Variants in CD55 observed in about 807,000 individuals in gnomAD.
CD55 encodes CD55 molecule (Cromer blood group), also known as complement decay-accelerating factor.
A neutral mutation model predicts 45.8 loss-of-function variants in CD55; 41 were observed. That is an observed-to-expected ratio of 0.90 (90% CI 0.70 to 1.16). CD55 has a LOEUF of 1.16. CD55 is among the 50% of genes most tolerant of loss of function. The pLI is 0.00. For missense variants in CD55, 416 were observed against 469.8 expected, an observed-to-expected ratio of 0.89 and a Z score of 1.06; for synonymous variants, 181 against 181.1, an observed-to-expected ratio of 1.00 and a Z score of 0.01.
At chr1:207,341,250 T>A (rs1254296399) in intron 9 of CD55, among the ~76,000 whole-genome samples, 1 of 152,230 alleles carries the variant, frequency 6.6e-6, no homozygotes, top group Non-Finnish European at 1.5e-5. Context: ...TCCTTTGCTG[T>A]ACACAAGCTT....
chr1:207,322,003 C>CT, intron 1 of CD55, 138 bp downstream of exon 1: 4 of 634,988 alleles, frequency 6.3e-6, no homozygotes, highest in Non-Finnish European at 1.1e-5. Flanking sequence ...CGTCCTGTGC[C>CT]TTTAAGGCTC....
At chr1:207,349,098 G>A (rs2102432244) in intron 9 of CD55, among the ~76,000 whole-genome samples, 1 of 152,096 alleles carries the variant, frequency 6.6e-6, no homozygotes, top group Middle Eastern at 3.4e-3. Context: ...TTAATTCTCT[G>A]AAAGATATCA....
At position 207,325,656 on chromosome 1, in the gene CD55, T is replaced by C. The variant is rs151294032; in HGVS notation, c.513T>C (p.Asn171=). 4.3e-6 allele frequency: 7 copies of C among 1,610,302 alleles called. No homozygotes were observed. Among genetic ancestry groups the C allele is most frequent in the Non-Finnish European group, 5.9e-6 (7 of 1,177,620 alleles). ...KSCPNPGEIR[N]GQIDVPGGIL... ...GCCCTAATCCGGGAGAAATACGAAATGGTCAGATTGATGTACCAGGTGGCA... is the reference window on the plus strand; with the variant it reads ...GCCCTAATCCGGGAGAAATACGAAACGGTCAGATTGATGTACCAGGTGGCA... The change falls in exon 4 of 10, where the codon AAT becomes AAC. Residue 171 remains asparagine (N), a synonymous_variant. Transcript: ENST00000367064.
At chr1:207,350,119 G>T in intron 9 of CD55, 1 of 454,940 alleles carries the variant, frequency 2.2e-6, no homozygotes, top group Non-Finnish European at 4.4e-6. Context: ...AGATGATCAT[G>T]TGGTTTTTTT....
chr1:207,338,982 T>C (rs1338866486), intron 8 of CD55, among the ~76,000 whole-genome samples: 1 of 152,196 alleles, frequency 6.6e-6, no homozygotes, highest in Non-Finnish European at 1.5e-5. Flanking sequence ...TAAGGTGATA[T>C]GGCATTTTTG....
At chr1:207,353,946 A>G in intron 9 of CD55, 1 of 1,498,062 alleles carries the variant, frequency 6.7e-7, no homozygotes, top group South Asian at 1.2e-5. Context: ...ATAAGCAAGA[A>G]CAAAACCTTT....
At chr1:207,325,477 A>C (rs1654637803) in intron 3 of CD55, 145 bp from the exon 4 acceptor site, 1 of 490,402 alleles carries the variant, frequency 2.0e-6, no homozygotes, top group Non-Finnish European at 3.6e-6. Flanking sequence ...TTAGGTGTAC[A>C]ACATGATGTT....
Position 207,321,745 on chromosome 1 carries a change from C to G in CD55, c.-21C>G. On this transcript the variant is annotated 5_prime_UTR_variant, in exon 1 of 10. Transcript: ENST00000367064. ...CTCGGCGGAGTCCCGGCGGCGCGTC[C>G]TTGTTCTAACCCGGCGCGCCATGAC... 3 of 1,496,938 alleles carry G rather than the reference C, an allele frequency of 2.0e-6. No homozygotes were observed. Among genetic ancestry groups the G allele is most frequent in the Non-Finnish European group, 2.7e-6 (3 of 1,129,166 alleles). The allele number at this position is 1,496,938 out of a possible 1,614,324, so 92.7% of individuals were successfully genotyped here. A position where few individuals can be genotyped will look rare whatever the true frequency, so the allele number is the denominator to read the frequency against.
In CD55 at chr1:207,324,644, T is replaced by A; in HGVS notation, c.372T>A (p.Val124=). 1 of 1,612,984 alleles carries A rather than the reference T, an allele frequency of 6.2e-7. No homozygotes were observed. Among genetic ancestry groups the A allele is most frequent in the Non-Finnish European group, 8.5e-7 (1 of 1,179,324 alleles). ...AGAATTATTTTCCAGTCGGTACTGT[T>A]GTGGAATATGAGTGCCGTCCAGGTT... ...ITQNYFPVGT[V]VEYECRPGYR... Residue 124 remains valine (V), a synonymous_variant, in exon 3 of 10, where the codon GTT becomes GTA. Transcript: ENST00000367064.
chr1:207,340,270 T>G (rs1478964367), intron 9 of CD55: 1 of 290,854 alleles, frequency 3.4e-6, no homozygotes, highest in African/African-American at 2.2e-5. Flanking sequence ...TCTAGTTCCA[T>G]TCATGTTGCT....
intron 7 of CD55, 66 bp downstream of exon 7, chr1:207,336,884 C>G: frequency 1.9e-6 from 3 of 1,580,546 alleles, no homozygotes; most frequent in Non-Finnish European, 2.6e-6. Flanking sequence ...AAGAACCCCA[C>G]CAACTCCTCA....
chr1:207,357,910 G>A (rs569143973), intron 9 of CD55, among the ~76,000 whole-genome samples: 29 of 152,208 alleles, frequency 1.9e-4, no homozygotes, highest in Admixed American at 5.9e-4. Context: ...TAACACCAAC[G>A]AATAATCAAT....
Position 207,359,801 on chromosome 1 carries a change from C to A in CD55, c.*191C>A. ...GGCAGTCCTGGAATCACATTCTTAG[C>A]ACACCTACACCTCTTGAAAATAGAA... is the stretch of plus-strand genomic sequence containing the variant. On this transcript the variant is annotated 3_prime_UTR_variant, in exon 10 of 10. Transcript: ENST00000367064. 1.9e-6 allele frequency: 1 copy of A among 513,182 alleles called. No individual in the cohort carries two copies. The allele number at this position is 513,182 out of a possible 1,614,324, so 31.8% of individuals were successfully genotyped here. A position where few individuals can be genotyped will look rare whatever the true frequency, so the allele number is the denominator to read the frequency against.
intron 9 of CD55, among the ~76,000 whole-genome samples, chr1:207,357,163 A>C (rs1656107793): frequency 1.3e-5 from 2 of 152,218 alleles, no homozygotes; most frequent in African/African-American, 4.8e-5. Flanking sequence ...GTCTTGTAGA[A>C]AAATATTTGA....
At chr1:207,324,830 C>T in intron 3 of CD55, 80 bp downstream of exon 3, 2 of 793,914 alleles carry the variant, frequency 2.5e-6, no homozygotes, top group East Asian at 2.5e-5. Flanking sequence ...CATGCTAGAA[C>T]TCTATGTGTA....
intron 9 of CD55, among the ~76,000 whole-genome samples, chr1:207,345,282 G>A (rs758300929): frequency 6.6e-6 from 1 of 151,786 alleles, no homozygotes. Context: ...CAAAAGACCT[G>A]TCTTCAAGTT....
At chr1:207,354,796 T>C (rs927021722) in intron 9 of CD55, among the ~76,000 whole-genome samples, 14 of 152,230 alleles carry the variant, frequency 9.2e-5, no homozygotes, top group Non-Finnish European at 1.8e-4. Context: ...TTTTTCATAT[T>C]TCTGTGTTTT....
chr1:207,349,165 C>T (rs1655764787), intron 9 of CD55, among the ~76,000 whole-genome samples: 1 of 151,144 alleles, frequency 6.6e-6, no homozygotes, highest in African/African-American at 2.4e-5. Context: ...CAGTATGGCC[C>T]TTTTTAAAAA....
chr1:207,340,983 TCTAA>T (rs1438117772), intron 9 of CD55, among the ~76,000 whole-genome samples: 3 of 152,190 alleles, frequency 2.0e-5, no homozygotes, highest in Non-Finnish European at 4.4e-5. Context: ...AAATGGCCAT[TCTAA>T]CTGAGGTTAA....
Sources: allele counts gnomAD v4.1 joint callset (sites outside exome capture counted in the v4.1 genomes callset), GRCh38; gene constraint gnomAD v4.1.1; transcripts MANE v1.5; gene names NCBI Gene and HGNC (gene_info 2026-07-23, HGNC 2026-07-21).